WWC2: variants seen among roughly 807,000 people sequenced by gnomAD.
The protein encoded by WWC2 is protein WWC2.
Under a neutral mutation model 138.5 loss-of-function variants are expected in WWC2, and 101 were observed. That is an observed-to-expected ratio of 0.73 (90% confidence interval 0.62 to 0.86). WWC2 has a LOEUF of 0.86. WWC2 is among the 40% of genes least tolerant of loss of function. The pLI, the probability that WWC2 is intolerant of heterozygous loss-of-function variation, is 0.00. For synonymous variants in WWC2, 558 were observed against 538.4 expected, an observed-to-expected ratio of 1.04 and a Z score of -0.50; for missense variants, 1,420 against 1,419.4, an observed-to-expected ratio of 1.00 and a Z score of -0.01.
At chr4:183,255,474 A>G (rs947735018) in intron 9 of WWC2, among the ~76,000 whole-genome samples, 1 of 152,236 alleles carries the variant, frequency 6.6e-6, no homozygotes, top group African/African-American at 2.4e-5. Context: ...TGAAATGGGT[A>G]GCTTTTATGT....
chr4:183,263,808 A>G (rs1383292802), intron 11 of WWC2, among the ~76,000 whole-genome samples: 1 of 152,106 alleles, frequency 6.6e-6, no homozygotes, highest in Non-Finnish European at 1.5e-5. Flanking sequence ...ACTTTTTTTC[A>G]GGGGACGTCT....
chr4:183,294,946 A>G (rs1368674918), intron 21 of WWC2, among the ~76,000 whole-genome samples: 3 of 152,208 alleles, frequency 2.0e-5, no homozygotes, highest in African/African-American at 7.2e-5. Flanking sequence ...CAAGGAAATC[A>G]TCAAGGCAGA....
At chr4:183,245,056 G>A (rs552933484) in intron 5 of WWC2, among the ~76,000 whole-genome samples, 4 of 151,914 alleles carry the variant, frequency 2.6e-5, no homozygotes, top group Admixed American at 6.6e-5. Context: ...GTGAAACCCC[G>A]TCTTTACCAA....
chr4:183,315,388 A>G (rs551168029), intron 22 of WWC2, among the ~76,000 whole-genome samples: 1 of 152,292 alleles, frequency 6.6e-6, no homozygotes, highest in Non-Finnish European at 1.5e-5. Context: ...CTACTAGTTT[A>G]AAAACTGTCT....
chr4:183,119,189 C>CAGG (rs1364799423), intron 1 of WWC2, among the ~76,000 whole-genome samples: 2 of 152,144 alleles, frequency 1.3e-5, no homozygotes, highest in African/African-American at 4.8e-5. Flanking sequence ...GAATGAAAAT[C>CAGG]AGGAGCATTG....
chr4:183,128,154 T>A (rs1295075362), intron 1 of WWC2, among the ~76,000 whole-genome samples: 2 of 151,154 alleles, frequency 1.3e-5, no homozygotes, highest in African/African-American at 4.9e-5. Flanking sequence ...GCCTGGCCAA[T>A]ATGGTGAAAC....
At chr4:183,179,577 G>A (rs969106893) in intron 1 of WWC2, among the ~76,000 whole-genome samples, 1 of 151,860 alleles carries the variant, frequency 6.6e-6, no homozygotes, top group Admixed American at 6.6e-5. Flanking sequence ...CGGAGAGGGG[G>A]CCATCAAGGA....
At chr4:183,285,143 G>A (rs17291855) in intron 19 of WWC2, among the ~76,000 whole-genome samples, 7,407 of 152,186 alleles carry the variant, frequency 0.049, 223 homozygotes, top group South Asian at 0.083. Context: ...AGATGAACAA[G>A]CTATGAAGTA....
chr4:183,307,772 A>G (rs1685602642), intron 21 of WWC2, among the ~76,000 whole-genome samples: 1 of 152,194 alleles, frequency 6.6e-6, no homozygotes, highest in African/African-American at 2.4e-5. Context: ...ATGCTGAAAA[A>G]CTAGAAGCTT....
intron 5 of WWC2, among the ~76,000 whole-genome samples, chr4:183,244,326 G>A (rs1435475211): frequency 6.6e-6 from 1 of 152,098 alleles, no homozygotes; most frequent in Non-Finnish European, 1.5e-5. Flanking sequence ...AATTCGATTA[G>A]GCCCTTCGAA....
At chr4:183,242,142 A>G (rs547420208) in intron 5 of WWC2, among the ~76,000 whole-genome samples, 1 of 152,302 alleles carries the variant, frequency 6.6e-6, no homozygotes, top group African/African-American at 2.4e-5. Context: ...TATCTTAACT[A>G]TAGACAAAAT....
At chr4:183,259,750 G>A (rs759769527) in intron 10 of WWC2, 22 bp downstream of exon 10, 3 of 1,480,878 alleles carry the variant, frequency 2.0e-6, no homozygotes, top group Admixed American at 2.1e-5. Context: ...AGATTTTTGA[G>A]GGGAAAGCTT....
At chr4:183,112,373 T>C (rs1472282174) in intron 1 of WWC2, among the ~76,000 whole-genome samples, 1 of 152,246 alleles carries the variant, frequency 6.6e-6, no homozygotes, top group African/African-American at 2.4e-5. Flanking sequence ...CCCTTCATGC[T>C]CTGTGCTTAG....
At chr4:183,166,475 G>A (rs1252204250) in intron 1 of WWC2, among the ~76,000 whole-genome samples, 1 of 152,160 alleles carries the variant, frequency 6.6e-6, no homozygotes, top group African/African-American at 2.4e-5. Flanking sequence ...GTAAGGTGGA[G>A]CCTCATTAAA....
intron 5 of WWC2, chr4:183,240,735 A>C (rs1480430615): frequency 6.6e-6 from 1 of 152,562 alleles, no homozygotes; most frequent in African/African-American, 2.4e-5. Flanking sequence ...TAACCCTGAC[A>C]GATGGCAGGG....
chr4:183,150,796 T>TG (rs1733616591), intron 1 of WWC2, among the ~76,000 whole-genome samples: 1 of 152,166 alleles, frequency 6.6e-6, no homozygotes, highest in Non-Finnish European at 1.5e-5. Context: ...TTTCTGTCCT[T>TG]GCGAAAACCA....
At chr4:183,144,761 A>T (rs1733402202) in intron 1 of WWC2, among the ~76,000 whole-genome samples, 1 of 152,192 alleles carries the variant, frequency 6.6e-6, no homozygotes, top group Non-Finnish European at 1.5e-5. Flanking sequence ...TTGTTTAATG[A>T]TGTTTATCAT....
chr4:183,102,970 C>T (rs958783213), intron 1 of WWC2, among the ~76,000 whole-genome samples: 2 of 151,634 alleles, frequency 1.3e-5, no homozygotes, highest in African/African-American at 4.9e-5. Context: ...GTGGGCAGGC[C>T]TCAGAGATAG....
chr4:183,220,823 G>A (rs1362001706), intron 4 of WWC2, among the ~76,000 whole-genome samples: 16 of 147,366 alleles, frequency 1.1e-4, no homozygotes, highest in African/African-American at 3.8e-4. Flanking sequence ...GACAGAGCGA[G>A]ACTCCGTCTC....
Sources: gnomAD v4.1 joint callset for allele counts (sites outside exome capture counted in the v4.1 genomes callset) on GRCh38, gnomAD v4.1.1 for gene constraint, MANE v1.5 for transcripts, NCBI Gene and HGNC (gene_info 2026-07-23, HGNC 2026-07-21) for gene names.